SRPK2: variants seen among roughly 807,000 people sequenced by gnomAD.
The protein encoded by SRPK2 is SRSF protein kinase 2.
In SRPK2, 21 loss-of-function variants were observed where a neutral mutation model predicts 90.8. The ratio of observed to expected loss-of-function variants is 0.23; its 90% CI spans 0.16 to 0.33. The LOEUF (loss-of-function observed/expected upper bound fraction) is 0.33. Among genes scored for constraint, SRPK2 ranks in the 10% least tolerant of loss-of-function variants. The pLI, the probability that SRPK2 is intolerant of heterozygous loss-of-function variation, is 1.00. For synonymous variants in SRPK2, 288 were observed against 311.1 expected (o/e 0.93, Z 0.78); for missense variants, 620 against 869.0 (o/e 0.71, Z 3.60).
intron 2 of SRPK2, among the ~76,000 whole-genome samples, chr7:105,249,099 G>A (rs1802134213): frequency 6.6e-6 from 1 of 152,156 alleles, no homozygotes; most frequent in South Asian, 2.1e-4. Context: ...AGTGACTGGA[G>A]AAAAGACATG....
At chr7:105,208,587 A>G (rs1268631686) in intron 2 of SRPK2, among the ~76,000 whole-genome samples, 1 of 152,144 alleles carries the variant, frequency 6.6e-6, no homozygotes, top group Non-Finnish European at 1.5e-5. Context: ...TAGAACAGAT[A>G]AATTTATAGA....
chr7:105,174,249 G>A (rs1388743133), intron 3 of SRPK2, among the ~76,000 whole-genome samples: 1 of 152,058 alleles, frequency 6.6e-6, no homozygotes, highest in Non-Finnish European at 1.5e-5. Flanking sequence ...AGACTCCAAA[G>A]AAGAAAATTT....
intron 2 of SRPK2, among the ~76,000 whole-genome samples, chr7:105,280,753 C>T (rs1807178690): frequency 1.3e-5 from 2 of 150,724 alleles, no homozygotes; most frequent in South Asian, 4.2e-4. Context: ...CAAGACCATC[C>T]AGGCTAACAC....
chr7:105,261,022 T>TAAAAAAAAA (rs72277307), intron 2 of SRPK2, among the ~76,000 whole-genome samples: 3 of 116,036 alleles, frequency 2.6e-5, no homozygotes, highest in Admixed American at 9.5e-5. Context: ...CCCTAGAAAT[T>TAAAAAAAAA]AAAAAAAAAA....
intron 2 of SRPK2, 40 bp downstream of exon 2, chr7:105,388,608 G>A: frequency 6.5e-7 from 1 of 1,541,034 alleles, no homozygotes; most frequent in Non-Finnish European, 8.8e-7. Flanking sequence ...CCCCGACGGG[G>A]CGGGGGTGGG....
At chr7:105,265,021 C>A (rs549874538) in intron 2 of SRPK2, among the ~76,000 whole-genome samples, 11 of 152,138 alleles carry the variant, frequency 7.2e-5, no homozygotes, top group Non-Finnish European at 1.3e-4. Flanking sequence ...AATGATAGTA[C>A]GGTAAAGTAC....
chr7:105,312,238 G>A (rs987288049), intron 2 of SRPK2, among the ~76,000 whole-genome samples: 2 of 152,028 alleles, frequency 1.3e-5, no homozygotes, highest in Admixed American at 6.5e-5. Context: ...TCAGGAGTTC[G>A]AGACCAGCCT....
chr7:105,331,745 A>G (rs1814440223), intron 2 of SRPK2, among the ~76,000 whole-genome samples: 1 of 152,148 alleles, frequency 6.6e-6, no homozygotes, highest in South Asian at 2.1e-4. Flanking sequence ...AAGTTGCAAT[A>G]AATAAGTACT....
chr7:105,203,897 A>G lies in SRPK2; in HGVS notation c.72-112T>C, dbSNP rs150218924. 36 of 1,289,692 alleles carry G rather than the reference A, an allele frequency of 2.8e-5. No individual in the cohort carries two copies. The African/African-American group carries it at 5.0e-4, about 18-fold the overall frequency. 79.9% of individuals were successfully genotyped at this position (1,289,692 alleles called of 1,614,324 possible). On this transcript the variant is annotated intron_variant, in intron 2 of 15. Transcript: ENST00000393651. ...AAAATAAAACTTGTCACATACTAAGAAGAAATGTCATTTAATGTCACTTCA... is the reference window on the plus strand; with the variant it reads ...AAAATAAAACTTGTCACATACTAAGGAGAAATGTCATTTAATGTCACTTCA...
chr7:105,173,099 CA>C (rs1271347284), intron 3 of SRPK2, among the ~76,000 whole-genome samples: 1 of 151,634 alleles, frequency 6.6e-6, no homozygotes, highest in Non-Finnish European at 1.5e-5. Flanking sequence ...TATAAAAAGG[CA>C]AATTACACAA....
At chr7:105,123,495 A>C (rs529744110) in intron 15 of SRPK2, among the ~76,000 whole-genome samples, 1 of 152,330 alleles carries the variant, frequency 6.6e-6, no homozygotes, top group South Asian at 2.1e-4. Flanking sequence ...AAATTTTGTT[A>C]TCAGTTCTAG....
At position 105,179,778 on chromosome 7, in the gene SRPK2, T is replaced by C. The variant is rs183384508; in HGVS notation, c.230-10513A>G. Among the ~76,000 whole-genome samples, 17 of 130,452 alleles carry C rather than the reference T, an allele frequency of 1.3e-4. No homozygotes were observed. In the East Asian group the frequency reaches 3.5e-3, roughly 27 times the overall value. 85.6% of individuals were successfully genotyped at this position (130,452 alleles called of 152,430 possible). ...AGGCAGAGGTTGCAGTGAGCTGAGA[T>C]TGCGCCATTGCACTCCAGCCTGGGC... On this transcript the variant is annotated intron_variant, in intron 3 of 15. Transcript: ENST00000393651.
At chr7:105,310,320 T>G (rs1322608580) in intron 2 of SRPK2, among the ~76,000 whole-genome samples, 1 of 152,168 alleles carries the variant, frequency 6.6e-6, no homozygotes, top group Admixed American at 6.5e-5. Flanking sequence ...GCAGCAAGGC[T>G]AGTAAATGCA....
chr7:105,122,844 T>C (rs966938592), intron 15 of SRPK2, among the ~76,000 whole-genome samples: 2 of 152,042 alleles, frequency 1.3e-5, no homozygotes, highest in Non-Finnish European at 2.9e-5. Context: ...CACTCTCTTT[T>C]ATCCCAACAC....
intron 2 of SRPK2, among the ~76,000 whole-genome samples, chr7:105,273,468 C>G (rs1806109103): frequency 2.0e-5 from 3 of 150,908 alleles, no homozygotes. Context: ...TTCTGCCACC[C>G]AGGGTGGAGT....
chr7:105,172,262 A>G (rs1050775640), intron 3 of SRPK2, among the ~76,000 whole-genome samples: 17 of 152,250 alleles, frequency 1.1e-4, no homozygotes, highest in African/African-American at 1.7e-4. Flanking sequence ...ATCCAGTATA[A>G]TTAGGAACAC....
chr7:105,217,984 T>C (rs1035724341), intron 2 of SRPK2, among the ~76,000 whole-genome samples: 4 of 152,106 alleles, frequency 2.6e-5, no homozygotes, highest in African/African-American at 9.7e-5. Flanking sequence ...TGCCTAAAAA[T>C]TCTCAAAGAA....
intron 2 of SRPK2, among the ~76,000 whole-genome samples, chr7:105,338,378 G>A (rs1349835228): frequency 6.6e-6 from 1 of 152,156 alleles, no homozygotes; most frequent in African/African-American, 2.4e-5. Flanking sequence ...TGGGATTACA[G>A]GCGCAGGCCA....
At chr7:105,167,946 C>A in intron 5 of SRPK2, 62 bp downstream of exon 5, 2 of 1,343,242 alleles carry the variant, frequency 1.5e-6, no homozygotes, top group Non-Finnish European at 2.1e-6. Context: ...CCAGAAAAAT[C>A]TTTCTGTAAA....
Sources: allele counts gnomAD v4.1 joint callset (sites outside exome capture counted in the v4.1 genomes callset), GRCh38; gene constraint gnomAD v4.1.1; transcripts MANE v1.5; gene names NCBI Gene and HGNC (gene_info 2026-07-23, HGNC 2026-07-21).